The following RUVBL2 variants were observed in gnomAD, a reference collection of about 807,000 sequenced individuals.
The protein encoded by RUVBL2 is ruvB-like 2.
A neutral mutation model predicts 57.9 loss-of-function variants in RUVBL2; 9 were observed. That is an observed-to-expected ratio of 0.16 (90% CI 0.09 to 0.27). The LOEUF (loss-of-function observed/expected upper bound fraction) is 0.27, where lower values mean the gene tolerates loss of function less well. Ranked by LOEUF, RUVBL2 falls within the 10% of genes least tolerant of loss-of-function variation. RUVBL2 has a pLI of 1.00. For synonymous variants in RUVBL2, 278 were observed against 264.6 expected, an observed-to-expected ratio of 1.05 and a Z score of -0.49; for missense variants, 456 against 669.6, an observed-to-expected ratio of 0.68 and a Z score of 3.52.
At position 49,004,425 on chromosome 19, in the gene RUVBL2, A is replaced by C; in HGVS notation, c.265+7A>C. 1 of 1,610,596 alleles carries C rather than the reference A, an allele frequency of 6.2e-7. No homozygotes were observed. Among genetic ancestry groups the C allele is most frequent in the Non-Finnish European group, 8.5e-7 (1 of 1,179,158 alleles). On this transcript the variant is annotated splice_region_variant and intron_variant, in intron 4 of 14. Transcript: ENST00000595090. ...AAGACGGCCATCGCCATGGGTAAGAAACCTCCCAGGGCAGGAACTCTCCTG... is the reference window on the plus strand; with the variant it reads ...AAGACGGCCATCGCCATGGGTAAGACACCTCCCAGGGCAGGAACTCTCCTG...
intron 13 of RUVBL2, 64 bp downstream of exon 13, chr19:49,015,214 G>T: frequency 6.4e-7 from 1 of 1,571,790 alleles, no homozygotes; most frequent in Non-Finnish European, 8.6e-7. Context: ...TACTTCAGGG[G>T]CTTCCAGGGT....
At chr19:48,993,774 C>A, upstream of RUVBL2, 1 of 1,187,736 alleles carries the variant, frequency 8.4e-7, no homozygotes, top group South Asian at 1.3e-5. Flanking sequence ...CATAAAGTCC[C>A]GCCACGCCCC....
At chr19:48,999,052 A>G (rs576686484) in intron 1 of RUVBL2, among the ~76,000 whole-genome samples, 59 of 151,148 alleles carry the variant, frequency 3.9e-4, no homozygotes, top group African/African-American at 1.4e-3. Context: ...AACAGGGAGG[A>G]TTTCATTCAT....
Position 49,011,312 on chromosome 19 carries a change from T to C in RUVBL2, c.1001+2T>C. On this transcript the variant is annotated splice_donor_variant, in intron 11 of 14. Coordinates refer to ENST00000595090, the MANE Select transcript of RUVBL2 (RefSeq NM_006666.3). LOFTEE classifies it high-confidence loss of function. The surrounding 1 kb of genome is among the most constrained non-coding windows in gnomAD (Gnocchi z 4.4). Reference sequence around the variant, plus strand: ...GGCCACCAACCGTGGCATCACGCGGTGAGCCGGCTACAGGGGCCTCTGGGG... The same window carrying C: ...GGCCACCAACCGTGGCATCACGCGGCGAGCCGGCTACAGGGGCCTCTGGGG... 1 of 1,612,112 alleles carries C rather than the reference T, an allele frequency of 6.2e-7. No homozygotes were observed. The highest frequency in any genetic ancestry group is 8.5e-7 in the Non-Finnish European group (1 of 1,178,614).
At chr19:49,002,224 T>C (rs2039198212) in intron 2 of RUVBL2, among the ~76,000 whole-genome samples, 1 of 151,864 alleles carries the variant, frequency 6.6e-6, no homozygotes, top group African/African-American at 2.4e-5. Flanking sequence ...AATTTTTGTA[T>C]TTTTTAGTAG....
chr19:49,007,020 A>T lies in RUVBL2; in HGVS notation c.268A>T (p.Met90Leu), dbSNP rs1338350232. The T allele has an allele frequency of 6.2e-7, 1 of 1,612,722 alleles. No individual in the cohort carries two copies. Among genetic ancestry groups the T allele is most frequent in the South Asian group, 1.1e-5 (1 of 91,084 alleles). The change falls in exon 5 of 15, where the codon ATG (methionine) becomes TTG (leucine). Residue 90 changes from methionine to leucine, a missense_variant and splice_region_variant. Physicochemically the swap from Met to Leu is conservative, Grantham distance 15. Around this residue, in one of 5 missense-constraint regions of RUVBL2, gnomAD observed 233 missense variants for 306.0 expected, o/e 0.76. Coordinates refer to ENST00000595090, the MANE Select transcript of RUVBL2 (RefSeq NM_006666.3). ...TACACAGACTGCCTCCTTCCCAGGC[A>T]TGGCGCAGGCCCTGGGCCCTGACAC... ...GTGKTAIAMGMAQALGPDTPF... is the reference protein window; with the variant it reads ...GTGKTAIAMGLAQALGPDTPF...
intron 13 of RUVBL2, 97 bp downstream of exon 13, chr19:49,015,247 C>T (rs1027663850): frequency 1.5e-5 from 22 of 1,482,102 alleles, no homozygotes; most frequent in Middle Eastern, 1.8e-4. Context: ...CTAGAATGTA[C>T]GTTTTCAGAC....
intron 6 of RUVBL2, among the ~76,000 whole-genome samples, chr19:49,007,722 C>T (rs563736434): frequency 7.3e-5 from 11 of 149,944 alleles, no homozygotes; most frequent in South Asian, 2.1e-4. Context: ...TTTTTGTTTT[C>T]GAGACAGAGT....
intron 1 of RUVBL2, among the ~76,000 whole-genome samples, chr19:48,998,038 CAT>C (rs1244305219): frequency 6.6e-6 from 1 of 152,234 alleles, no homozygotes; most frequent in East Asian, 1.9e-4. Context: ...TCATGGGACT[CAT>C]GTCCACTGGA....
At chr19:49,004,973 A>T (rs141187623) in intron 4 of RUVBL2, among the ~76,000 whole-genome samples, 1,617 of 139,200 alleles carry the variant, frequency 0.012, 26 homozygotes, top group African/African-American at 0.042. Flanking sequence ...ATAAAAAATT[A>T]AAAAAAAAAA....
rs192616470 is a variant in RUVBL2 at position 49,012,232 on chromosome 19, G to A, written c.1001+922G>A. Among the ~76,000 whole-genome samples the A allele has an allele frequency of 1.8e-3, 267 of 152,284 alleles. 1 individual carries two copies. The highest frequency in any genetic ancestry group is 5.9e-3 in the African/African-American group (246 of 41,550). ...ATGGGCATCACAAAAGGGAAGAAGC[G>A]GGCACCCTACAGAGGATGCTGGGCC... On this transcript the variant is annotated intron_variant, in intron 11 of 14. Transcript: ENST00000595090.
At chr19:48,997,281 C>T (rs1162450335) in intron 1 of RUVBL2, among the ~76,000 whole-genome samples, 2 of 152,108 alleles carry the variant, frequency 1.3e-5, no homozygotes, top group Admixed American at 6.6e-5. Context: ...TGGCTTCTTT[C>T]AGTCAGTATA....
upstream of RUVBL2, chr19:48,993,705 A>C (rs2038991506): frequency 4.7e-6 from 3 of 641,834 alleles, no homozygotes; most frequent in Non-Finnish European, 2.8e-6. Flanking sequence ...AGACATTGGG[A>C]ATGGACCCAG....
rs1194159226 is a variant in RUVBL2 at position 49,007,045 on chromosome 19, C to T, written c.293C>T (p.Thr98Met). 3.1e-6 allele frequency: 5 copies of T among 1,613,116 alleles called. No individual in the cohort carries two copies. Among genetic ancestry groups the T allele is most frequent in the Non-Finnish European group, 4.2e-6 (5 of 1,180,028 alleles). Residue 98 changes from threonine to methionine, a missense_variant, in exon 5 of 15, where the codon ACG becomes ATG. Transcript: ENST00000595090. ...ATGGCGCAGGCCCTGGGCCCTGACA[C>T]GCCATTCACAGCCATCGCCGGCAGT... ...MGMAQALGPD[T>M]PFTAIAGSEI...
intron 1 of RUVBL2, among the ~76,000 whole-genome samples, chr19:48,996,036 G>T (rs547899749): frequency 1.3e-5 from 2 of 151,450 alleles, no homozygotes; most frequent in East Asian, 1.9e-4. Flanking sequence ...GCCAAGTGTG[G>T]TGGGACACAC....
rs138253171 is a variant in RUVBL2, at chr19:49,007,647, G to A, written c.462+279G>A. ...CAAAACCCAACAGACTTCAAAACTC[G>A]TTCCGTGGCCGAAAGGCATGTCCTG... On this transcript the variant is annotated intron_variant, in intron 6 of 14. Transcript: ENST00000595090. Among the ~76,000 whole-genome samples the A allele has an allele frequency of 3.7e-3, 569 of 152,202 alleles. 6 individuals carry two copies. Among genetic ancestry groups the A allele is most frequent in the African/African-American group, 0.013 (540 of 41,512 alleles).
At chr19:49,003,831 T>C (rs2039229801) in intron 3 of RUVBL2, among the ~76,000 whole-genome samples, 2 of 151,172 alleles carry the variant, frequency 1.3e-5, no homozygotes, top group South Asian at 2.1e-4. Flanking sequence ...AAAAAAAAGT[T>C]AGACTGGGTG....
chr19:48,996,852 A>G (rs1266513434), intron 1 of RUVBL2, among the ~76,000 whole-genome samples: 1 of 147,460 alleles, frequency 6.8e-6, no homozygotes, highest in Non-Finnish European at 1.5e-5. Context: ...TAGTAGAGAC[A>G]GGGTTTCACC....
chr19:49,002,555 T>A (rs907096070), intron 2 of RUVBL2, among the ~76,000 whole-genome samples: 1 of 152,142 alleles, frequency 6.6e-6, no homozygotes, highest in Non-Finnish European at 1.5e-5. Flanking sequence ...AGAAGTGCTT[T>A]CAGGGTGATA....
Sources: gnomAD v4.1 joint callset for allele counts (sites outside exome capture counted in the v4.1 genomes callset) on GRCh38, gnomAD v4.1.1 for gene constraint, gnomAD v4.1.1 regional missense constraint, Gnocchi (gnomAD v3.1) non-coding constraint, MANE v1.5 for transcripts, NCBI Gene and HGNC (gene_info 2026-07-23, HGNC 2026-07-21) for gene names.